The following ASTN2 variants were observed in gnomAD, a reference collection of about 807,000 sequenced individuals.
ASTN2 encodes astrotactin-2.
In ASTN2, 54 loss-of-function variants were observed where a neutral mutation model predicts 139.8. The observed-to-expected ratio is 0.39, with a 90% CI of 0.31 to 0.48. The LOEUF is 0.48. Ranked by LOEUF, ASTN2 falls within the 20% of genes least tolerant of loss-of-function variation. ASTN2 has a pLI of 0.95. For missense variants in ASTN2, 1,565 were observed against 1,725.1 expected, an observed-to-expected ratio of 0.91 and a Z score of 1.64; for synonymous variants, 756 against 719.5, an observed-to-expected ratio of 1.05 and a Z score of -0.81.
intron 6 of ASTN2, among the ~76,000 whole-genome samples, chr9:117,033,935 T>C (rs1205874580): frequency 6.6e-6 from 1 of 152,138 alleles, no homozygotes; most frequent in East Asian, 1.9e-4. Context: ...TAATAGTAGG[T>C]TCCCTTCCTG....
At chr9:117,150,504 T>C (rs982633073) in intron 3 of ASTN2, among the ~76,000 whole-genome samples, 1 of 152,184 alleles carries the variant, frequency 6.6e-6, no homozygotes, top group South Asian at 2.1e-4. Flanking sequence ...ACCACCTTGA[T>C]AGCAATGTGC....
chr9:116,628,861 C>T (rs1159782273), intron 17 of ASTN2, among the ~76,000 whole-genome samples: 1 of 152,140 alleles, frequency 6.6e-6, no homozygotes, highest in African/African-American at 2.4e-5. Flanking sequence ...CTCACTTTGG[C>T]TGAGAACATA....
chr9:116,529,933 A>C (rs1449456742), intron 19 of ASTN2, among the ~76,000 whole-genome samples: 2 of 151,728 alleles, frequency 1.3e-5, no homozygotes, highest in Non-Finnish European at 2.9e-5. Context: ...GTAGTTCTTT[A>C]TAGCAGTGTG....
At chr9:116,933,337 C>G (rs974963817) in intron 10 of ASTN2, among the ~76,000 whole-genome samples, 2 of 152,122 alleles carry the variant, frequency 1.3e-5, no homozygotes, top group African/African-American at 4.8e-5. Context: ...TCTGAGAACT[C>G]TGGATGCTGA....
intron 1 of ASTN2, among the ~76,000 whole-genome samples, chr9:117,358,430 T>C (rs1829604193): frequency 6.6e-6 from 1 of 152,038 alleles, no homozygotes; most frequent in Admixed American, 6.6e-5. Flanking sequence ...ACAAATACCT[T>C]AGTCCTAAGG....
chr9:116,985,017 G>C (rs1213617878), intron 7 of ASTN2, among the ~76,000 whole-genome samples: 5 of 152,184 alleles, frequency 3.3e-5, no homozygotes, highest in South Asian at 4.1e-4. Context: ...GATATAATTA[G>C]AAGCTTTATG....
chr9:117,091,796 G>A (rs544089908), intron 5 of ASTN2, among the ~76,000 whole-genome samples: 23 of 152,210 alleles, frequency 1.5e-4, no homozygotes, highest in Admixed American at 3.3e-4. Flanking sequence ...AAAACAAAAG[G>A]AAAGCATTGA....
chr9:117,375,463 A>G (rs1830096977), intron 1 of ASTN2, among the ~76,000 whole-genome samples: 1 of 152,244 alleles, frequency 6.6e-6, no homozygotes, highest in South Asian at 2.1e-4. Flanking sequence ...TAGGTCAAGG[A>G]AAATAATAAC....
At chr9:116,612,938 G>T (rs533772760) in intron 19 of ASTN2, 2 of 151,134 alleles carry the variant, frequency 1.3e-5, no homozygotes, top group South Asian at 4.2e-4. Context: ...CCAGGAGCTG[G>T]TTTTTTGAAA....
At chr9:117,241,955 C>T (rs1037417835) in intron 2 of ASTN2, among the ~76,000 whole-genome samples, 6 of 150,394 alleles carry the variant, frequency 4.0e-5, no homozygotes, top group African/African-American at 1.2e-4. Flanking sequence ...CACCACACAC[C>T]CCTATATTTT....
chr9:117,086,250 T>C (rs919683409), intron 5 of ASTN2, among the ~76,000 whole-genome samples: 1 of 152,152 alleles, frequency 6.6e-6, no homozygotes, highest in Non-Finnish European at 1.5e-5. Context: ...GCTCAAAGCC[T>C]CTTAACCAAA....
At chr9:116,975,739 A>G (rs1264622659) in intron 9 of ASTN2, among the ~76,000 whole-genome samples, 4 of 152,096 alleles carry the variant, frequency 2.6e-5, no homozygotes, top group African/African-American at 9.7e-5. Flanking sequence ...CTAAAATTTG[A>G]TTCCCAGTTC....
intron 19 of ASTN2, among the ~76,000 whole-genome samples, chr9:116,588,449 T>C (rs1854247980): frequency 6.6e-6 from 1 of 152,150 alleles, no homozygotes; most frequent in South Asian, 2.1e-4. Flanking sequence ...GACAAAAGGA[T>C]GATCATGCCA....
At chr9:117,313,340 A>T (rs557658230) in intron 1 of ASTN2, among the ~76,000 whole-genome samples, 1 of 152,146 alleles carries the variant, frequency 6.6e-6, no homozygotes, top group Admixed American at 6.5e-5. Flanking sequence ...GCAGCCAGAG[A>T]CAGGGAGGAG....
intron 19 of ASTN2, among the ~76,000 whole-genome samples, chr9:116,511,237 C>T (rs568867175): frequency 6.6e-6 from 1 of 152,224 alleles, no homozygotes; most frequent in Non-Finnish European, 1.5e-5. Context: ...TGTCAAAGGC[C>T]TTTTCTGCAT....
intron 10 of ASTN2, among the ~76,000 whole-genome samples, chr9:116,881,023 C>T (rs561254433): frequency 6.6e-6 from 1 of 152,184 alleles, no homozygotes; most frequent in African/African-American, 2.4e-5. Flanking sequence ...GAGGTAGCCA[C>T]ACATGGATCT....
chr9:116,870,829 G>A (rs915170323), intron 10 of ASTN2, among the ~76,000 whole-genome samples: 1 of 152,192 alleles, frequency 6.6e-6, no homozygotes, highest in Non-Finnish European at 1.5e-5. Context: ...CTCATAGAGA[G>A]ATGTGAATGG....
intron 10 of ASTN2, among the ~76,000 whole-genome samples, chr9:116,963,152 C>T (rs113965623): frequency 0.025 from 3,770 of 152,242 alleles, 167 homozygotes; most frequent in African/African-American, 0.087. Flanking sequence ...ATTTTTGCAG[C>T]ATGAACATAG....
rs1831252561 is a variant in ASTN2, at chr9:117,414,101, C to A, written c.442+396G>T. Among the ~76,000 whole-genome samples, 1 of 151,926 alleles carries A rather than the reference C, an allele frequency of 6.6e-6. No homozygotes were observed. Among genetic ancestry groups the A allele is most frequent in the African/African-American group, 2.4e-5 (1 of 41,370 alleles). On this transcript the variant is annotated intron_variant, in intron 1 of 22. Transcript: ENST00000313400. This position sits in a 1 kb window ranked among gnomAD's most constrained non-coding sequence, Gnocchi z 4.2. ...GCGAGGGGGCGGTGACGGCGGGTGG[C>A]CAGTGACGGTACCCGGAGAAGTGGG...
Sources: allele counts gnomAD v4.1 joint callset (sites outside exome capture counted in the v4.1 genomes callset), GRCh38; gene constraint gnomAD v4.1.1; non-coding constraint Gnocchi (gnomAD v3.1); transcripts MANE v1.5; gene names NCBI Gene and HGNC (gene_info 2026-07-23, HGNC 2026-07-21).